The following ACTR1B variants were observed in gnomAD, a reference collection of about 807,000 sequenced individuals.
The protein encoded by ACTR1B is beta-centractin.
A neutral mutation model predicts 49.4 loss-of-function variants in ACTR1B; 34 were observed. The ratio of observed to expected loss-of-function variants is 0.69; its 90% CI spans 0.52 to 0.92. ACTR1B has a LOEUF of 0.92. Ranked by LOEUF, ACTR1B falls within the 40% of genes least tolerant of loss-of-function variation. The pLI is 0.00. For synonymous variants in ACTR1B, 207 were observed against 207.8 expected (o/e 1.00, Z 0.03); for missense variants, 471 against 522.4 (o/e 0.90, Z 0.96).
Position 97,659,503 on chromosome 2 carries a change from G to A in ACTR1B, c.190-26C>T, listed in dbSNP as rs766100216. On this transcript the variant is annotated intron_variant, in intron 3 of 10. Transcript: ENST00000289228. This position sits in a 1 kb window ranked among gnomAD's most constrained non-coding sequence, Gnocchi z 4.0. ...CTGGTGGGGTGGGAAGGGAGGTGTG[G>A]CACCCGGCCCTTGCTCAGCGGCTGC... 20 of 1,611,294 alleles carry A rather than the reference G, an allele frequency of 1.2e-5. No homozygotes were observed. The highest frequency in any genetic ancestry group is 1.7e-5 in the Non-Finnish European group (20 of 1,179,696).
intron 1 of ACTR1B, among the ~76,000 whole-genome samples, chr2:97,663,166 G>A (rs1675069907): frequency 6.6e-6 from 1 of 152,224 alleles, no homozygotes; most frequent in African/African-American, 2.4e-5. Context: ...CACTGCTGAA[G>A]GACAAAGCCA....
chr2:97,662,419 T>TC lies in ACTR1B; in HGVS notation c.49-474dup, dbSNP rs200686483. Reference sequence around the variant, plus strand: ...CTGTGTGGGTCTTTTTTTTTTTTTTTCAACAGCTTCCTTCTCCCCCAAGAA... The same window carrying TC: ...CTGTGTGGGTCTTTTTTTTTTTTTTTCCAACAGCTTCCTTCTCCCCCAAGAA... On this transcript the variant is annotated intron_variant, in intron 1 of 10. Coordinates refer to ENST00000289228, the MANE Select transcript of ACTR1B (RefSeq NM_005735.4). Among the ~76,000 whole-genome samples, 4 of 151,296 alleles carry TC rather than the reference T, an allele frequency of 2.6e-5. No individual in the cohort carries two copies. In the East Asian group the frequency reaches 5.8e-4, roughly 22 times the overall value.
chr2:97,657,933 G>A lies in ACTR1B; in HGVS notation c.925+10C>T. The A allele has an allele frequency of 1.9e-6, 3 of 1,613,078 alleles. 1 individual carries two copies. Among genetic ancestry groups the A allele is most frequent in the Non-Finnish European group, 8.5e-7 (1 of 1,179,352 alleles). ...TCGTCTCACCACCACCAACTCTCAAGCCACAGTACCTTTGAAAAGCGTTGA... is the reference window on the plus strand; with the variant it reads ...TCGTCTCACCACCACCAACTCTCAAACCACAGTACCTTTGAAAAGCGTTGA... On this transcript the variant is annotated intron_variant, in intron 8 of 10. Coordinates refer to ENST00000289228, the MANE Select transcript of ACTR1B (RefSeq NM_005735.4).
Position 97,658,976 on chromosome 2 carries a change from G to A in ACTR1B, c.343C>T (p.Leu115Phe), listed in dbSNP as rs777543959. The part of the protein sequence containing the change: ...EHPVLLTEAP[L>F]NPSKNREKAA... ...TTCTCCCGGTTCTTACTCGGGTTGAGCGGGGCCTCCGTGAGGAGCACAGGA... is the reference window on the plus strand; with the variant it reads ...TTCTCCCGGTTCTTACTCGGGTTGAACGGGGCCTCCGTGAGGAGCACAGGA... The change falls in exon 5 of 11, where the codon CTC becomes TTC. Residue 115 changes from leucine (L) to phenylalanine (F), a missense_variant. Leu to Phe is a conservative substitution (Grantham distance 22, BLOSUM62 0). Coordinates refer to ENST00000289228, the MANE Select transcript of ACTR1B (RefSeq NM_005735.4). This position sits in a 1 kb window ranked among gnomAD's most constrained non-coding sequence, Gnocchi z 5.9. 1.2e-6 allele frequency: 2 copies of A among 1,614,052 alleles called. No individual in the cohort carries two copies. Among genetic ancestry groups the A allele is most frequent in the African/African-American group, 2.7e-5 (2 of 74,930 alleles).
chr2:97,658,835 A>G lies in ACTR1B; in HGVS notation c.440+44T>C. 2 of 1,613,278 alleles carry G rather than the reference A, an allele frequency of 1.2e-6. No individual in the cohort carries two copies. Among genetic ancestry groups the G allele is most frequent in the Non-Finnish European group, 1.7e-6 (2 of 1,179,622 alleles). ...CTGGTCATGGCAAGCAGGACGGCAC[A>G]GGGAGGACAGGACTCAGGGAGGCCA... On this transcript the variant is annotated intron_variant, in intron 5 of 10. Transcript: ENST00000289228. This position sits in a 1 kb window ranked among gnomAD's most constrained non-coding sequence, Gnocchi z 5.9.
At chr2:97,662,139 G>A (rs1675028348) in intron 1 of ACTR1B, among the ~76,000 whole-genome samples, 193 bp from the exon 2 acceptor site, 1 of 152,130 alleles carries the variant, frequency 6.6e-6, no homozygotes, top group Non-Finnish European at 1.5e-5. Context: ...GGCAACATTT[G>A]GCAATGTCTG....
chr2:97,659,236 G>A lies in ACTR1B; in HGVS notation c.315+116C>T, dbSNP rs1559289457. ...TGCGCACCCAGACACACACGGAAAG[G>A]CAGCAGGCCCTCTAGAAATGTAGAA... On this transcript the variant is annotated intron_variant, in intron 4 of 10. Coordinates refer to ENST00000289228, the MANE Select transcript of ACTR1B (RefSeq NM_005735.4). The surrounding 1 kb of genome is among the most constrained non-coding windows in gnomAD (Gnocchi z 4.0). 1.3e-6 allele frequency: 2 copies of A among 1,522,790 alleles called. No individual in the cohort carries two copies. The highest frequency in any genetic ancestry group is 3.5e-4 in the Middle Eastern group (2 of 5,726). The allele number at this position is 1,522,790 out of a possible 1,614,324, so 94.3% of individuals were successfully genotyped here.
intron 2 of ACTR1B, among the ~76,000 whole-genome samples, chr2:97,661,578 C>T (rs1336937989): frequency 6.6e-6 from 1 of 152,232 alleles, no homozygotes; most frequent in Non-Finnish European, 1.5e-5. Context: ...TTTAGGGCTC[C>T]CCTCGGAGAT....
Position 97,658,255 on chromosome 2 carries a change from T to A in ACTR1B, c.719A>T (p.Gln240Leu). The A allele has an allele frequency of 6.2e-7, 1 of 1,614,214 alleles. No homozygotes were observed. The highest frequency in any genetic ancestry group is 8.5e-7 in the Non-Finnish European group (1 of 1,180,044). The change falls in exon 7 of 11, where the codon CAG (glutamine) becomes CTG (leucine). Residue 240 changes from glutamine (Q) to leucine (L), a missense_variant. Coordinates refer to ENST00000289228, the MANE Select transcript of ACTR1B (RefSeq NM_005735.4). The surrounding 1 kb of genome is among the most constrained non-coding windows in gnomAD (Gnocchi z 5.9). ...KDEALETEKVQYTLPDGSTLD... is the reference protein window; with the variant it reads ...KDEALETEKVLYTLPDGSTLD... ...CGTGCTGCCGTCTGGCAACGTGTAC[T>A]GCACCTTCTCCGTCTCCAGAGCCTC...
chr2:97,659,210 A>T lies in ACTR1B; in HGVS notation c.315+142T>A. 3 of 1,431,434 alleles carry T rather than the reference A, an allele frequency of 2.1e-6. No individual in the cohort carries two copies. The highest frequency in any genetic ancestry group is 1.9e-6 in the Non-Finnish European group (2 of 1,048,802). 88.7% of individuals were successfully genotyped at this position (1,431,434 alleles called of 1,614,324 possible). On this transcript the variant is annotated intron_variant, in intron 4 of 10. Transcript: ENST00000289228. This position sits in a 1 kb window ranked among gnomAD's most constrained non-coding sequence, Gnocchi z 4.0. ...TCTGCCTAGCAGCCACTGGGTACGTATGCGCACCCAGACACACACGGAAAG... is the reference window on the plus strand; with the variant it reads ...TCTGCCTAGCAGCCACTGGGTACGTTTGCGCACCCAGACACACACGGAAAG...
intron 2 of ACTR1B, among the ~76,000 whole-genome samples, chr2:97,661,266 G>A (rs80022082): frequency 0.022 from 3,403 of 152,318 alleles, 44 homozygotes; most frequent in Middle Eastern, 0.054. Context: ...CCTGCCACTC[G>A]GGGCCTAGGA....
rs768934194 is a variant in ACTR1B at position 97,658,670 on chromosome 2, C to T, written c.441-27G>A. 32 of 1,612,230 alleles carry T rather than the reference C, an allele frequency of 2.0e-5. 1 individual carries two copies. The highest frequency in any genetic ancestry group is 4.4e-5 in the South Asian group (4 of 91,058). ...TGTCACCAGGTCAGCATCCCCTCACCTCAGCCACTGAGGCACGGGGACCTC... is the reference window on the plus strand; with the variant it reads ...TGTCACCAGGTCAGCATCCCCTCACTTCAGCCACTGAGGCACGGGGACCTC... On this transcript the variant is annotated intron_variant, in intron 5 of 10. Transcript: ENST00000289228. This position sits in a 1 kb window ranked among gnomAD's most constrained non-coding sequence, Gnocchi z 5.9.
Position 97,659,243 on chromosome 2 carries a change from G to C in ACTR1B, c.315+109C>G. 3 of 1,534,904 alleles carry C rather than the reference G, an allele frequency of 2.0e-6. No individual in the cohort carries two copies. The highest frequency in any genetic ancestry group is 2.7e-6 in the Non-Finnish European group (3 of 1,128,186). On this transcript the variant is annotated intron_variant, in intron 4 of 10. Coordinates refer to ENST00000289228, the MANE Select transcript of ACTR1B (RefSeq NM_005735.4). The surrounding 1 kb of genome is among the most constrained non-coding windows in gnomAD (Gnocchi z 4.0). ...CCAGACACACACGGAAAGGCAGCAG[G>C]CCCTCTAGAAATGTAGAAGGGAAAT...
chr2:97,663,556 C>CCCGCCCGG (rs1288025235), intron 1 of ACTR1B, among the ~76,000 whole-genome samples: 1 of 152,130 alleles, frequency 6.6e-6, no homozygotes, highest in African/African-American at 2.4e-5. Context: ...GGGGCGCGTC[C>CCCGCCCGG]CCGCCCGGCC....
In ACTR1B at chr2:97,662,285, A is replaced by T. The variant is rs566178608; in HGVS notation, c.49-339T>A. Among the ~76,000 whole-genome samples, 76 of 152,310 alleles carry T rather than the reference A, an allele frequency of 5.0e-4. 1 individual carries two copies. Among genetic ancestry groups the T allele is most frequent in the African/African-American group, 1.7e-3 (71 of 41,560 alleles). ...CAAGGAGCTAGCCCAGAATGTCAAT[A>T]ATATAGAGATAGAGAAACCACGAAG... On this transcript the variant is annotated intron_variant, in intron 1 of 10. Transcript: ENST00000289228.
At position 97,659,411 on chromosome 2, in the gene ACTR1B, T is replaced by C; in HGVS notation, c.256A>G (p.Met86Val). Residue 86 changes from methionine to valine, a missense_variant, in exon 4 of 11, where the codon ATG becomes GTG. By Grantham distance (21) the Met-to-Val change is conservative. Transcript: ENST00000289228. This position sits in a 1 kb window ranked among gnomAD's most constrained non-coding sequence, Gnocchi z 4.0. ...EHGVVRDWND[M>V]ERIWQYVYSK... ...TAGACGTACTGCCAGATGCGTTCCA[T>C]GTCGTTCCAGTCTCGCACCACGCCG... 6.2e-7 allele frequency: 1 copy of C among 1,614,022 alleles called. No individual in the cohort carries two copies.
Position 97,657,209 on chromosome 2 carries a change from G to A in ACTR1B, c.988-17C>T, listed in dbSNP as rs1674867911. 2 of 1,611,764 alleles carry A rather than the reference G, an allele frequency of 1.2e-6. No homozygotes were observed. The highest frequency in any genetic ancestry group is 1.7e-6 in the Non-Finnish European group (2 of 1,179,080). ...GGCTGAGATCTAGAAGGAGGAAGTG[G>A]CCACGTTAACTGTGGATCCCCACCC... On this transcript the variant is annotated splice_polypyrimidine_tract_variant and intron_variant, in intron 9 of 10. Coordinates refer to ENST00000289228, the MANE Select transcript of ACTR1B (RefSeq NM_005735.4).
At chr2:97,657,321 G>T in intron 9 of ACTR1B, 127 bp downstream of exon 9, 4 of 1,496,894 alleles carry the variant, frequency 2.7e-6, no homozygotes, top group Non-Finnish European at 3.7e-6. Context: ...GGCAGCAGCA[G>T]CCTTGGGAAG....
At position 97,659,131 on chromosome 2, in the gene ACTR1B, T is replaced by A. The variant is rs1401281578; in HGVS notation, c.316-128A>T. The A allele has an allele frequency of 2.0e-6, 3 of 1,481,060 alleles. No individual in the cohort carries two copies. The African/African-American group carries it at 4.2e-5, about 21-fold the overall frequency. 91.7% of individuals were successfully genotyped at this position (1,481,060 alleles called of 1,614,324 possible). On this transcript the variant is annotated intron_variant, in intron 4 of 10. Coordinates refer to ENST00000289228, the MANE Select transcript of ACTR1B (RefSeq NM_005735.4). This position sits in a 1 kb window ranked among gnomAD's most constrained non-coding sequence, Gnocchi z 4.0. The stretch of plus-strand genomic sequence containing the variant: ...CCTCCTACCCCTCCTGAGGGCCCCA[T>A]CCCTTTATCTGCTGGCAGTTACTCT...
Sources: gnomAD v4.1 joint callset for allele counts (sites outside exome capture counted in the v4.1 genomes callset) on GRCh38, gnomAD v4.1.1 for gene constraint, Gnocchi (gnomAD v3.1) non-coding constraint, MANE v1.5 for transcripts, NCBI Gene and HGNC (gene_info 2026-07-23, HGNC 2026-07-21) for gene names.